The following REEP5 variants were observed in gnomAD, a reference collection of about 807,000 sequenced individuals.
The protein encoded by REEP5 is receptor accessory protein 5.
In REEP5, 24 loss-of-function variants were observed where a neutral mutation model predicts 22.4. The observed-to-expected ratio is 1.07, with a 90% CI of 0.78 to 1.51. The LOEUF (loss-of-function observed/expected upper bound fraction) is 1.51. REEP5 is among the 40% of genes most tolerant of loss of function. The probability of loss-of-function intolerance (pLI) is 0.00; values close to 1 mark genes in which losing one functional copy is unlikely to be tolerated. For missense variants in REEP5, 252 were observed against 233.0 expected (o/e 1.08, Z -0.53); for synonymous variants, 103 against 88.6 (o/e 1.16, Z -0.92).
chr5:112,879,726 T>G (rs1307691357), intron 4 of REEP5, among the ~76,000 whole-genome samples: 3 of 152,060 alleles, frequency 2.0e-5, no homozygotes, highest in Non-Finnish European at 4.4e-5. Context: ...TCTGCCCGCC[T>G]TGGCCTCCCA....
chr5:112,913,182 C>G (rs1769144412), intron 2 of REEP5, among the ~76,000 whole-genome samples: 1 of 152,064 alleles, frequency 6.6e-6, no homozygotes, highest in Non-Finnish European at 1.5e-5. Flanking sequence ...GTAATCCCAG[C>G]TACTTGGGAG....
chr5:112,907,590 C>T (rs949949234), intron 2 of REEP5, among the ~76,000 whole-genome samples: 1 of 152,174 alleles, frequency 6.6e-6, no homozygotes, highest in Admixed American at 6.5e-5. Context: ...TAAAATTAAT[C>T]GAGCAGAATT....
chr5:112,888,713 G>A (rs1768340098), intron 3 of REEP5, among the ~76,000 whole-genome samples: 1 of 150,946 alleles, frequency 6.6e-6, no homozygotes, highest in African/African-American at 2.5e-5. Flanking sequence ...TGTTACACAT[G>A]CACAAGAGTT....
chr5:112,890,907 T>A (rs546316436), intron 3 of REEP5, among the ~76,000 whole-genome samples: 1 of 150,622 alleles, frequency 6.6e-6, no homozygotes, highest in Non-Finnish European at 1.5e-5. Context: ...TTTACCCCTA[T>A]AATTTTGTAA....
rs764498669 is a variant in REEP5 at position 112,922,208 on chromosome 5, C to T, written c.-18G>A. ...GCAGACATGGCGGGGACCGTCTCGCCGCTCGGGGCTGTTCCTAGTGCCGGA... is the reference window on the plus strand; with the variant it reads ...GCAGACATGGCGGGGACCGTCTCGCTGCTCGGGGCTGTTCCTAGTGCCGGA... On this transcript the variant is annotated 5_prime_UTR_variant, in exon 1 of 5. Transcript: ENST00000379638. 5 of 1,601,164 alleles carry T rather than the reference C, an allele frequency of 3.1e-6. No individual in the cohort carries two copies. The highest frequency in any genetic ancestry group is 2.7e-5 in the African/African-American group (2 of 73,890).
Position 112,878,724 on chromosome 5 carries a change from A to C in REEP5, c.*62T>G. The C allele has an allele frequency of 6.2e-7, 1 of 1,600,016 alleles. No individual in the cohort carries two copies. Among genetic ancestry groups the C allele is most frequent in the South Asian group, 1.1e-5 (1 of 88,488 alleles). On this transcript the variant is annotated 3_prime_UTR_variant, in exon 5 of 5. Coordinates refer to ENST00000379638, the MANE Select transcript of REEP5 (RefSeq NM_005669.5). ...TAAAATAATTATACCACAGTCCCTA[A>C]TATAACATCAAGCTCCAGTAGGAAG...
At chr5:112,888,416 C>T (rs1768327189) in intron 3 of REEP5, among the ~76,000 whole-genome samples, 1 of 152,186 alleles carries the variant, frequency 6.6e-6, no homozygotes, top group Admixed American at 6.5e-5. Flanking sequence ...AACCCAAGTT[C>T]TCAACAATAT....
intron 2 of REEP5, among the ~76,000 whole-genome samples, chr5:112,910,332 C>G (rs1048017783): frequency 1.3e-5 from 2 of 152,016 alleles, no homozygotes; most frequent in Non-Finnish European, 2.9e-5. Context: ...ACATACCCCT[C>G]TTGTAGGTGA....
chr5:112,897,389 A>C (rs2150042578), intron 3 of REEP5: 1 of 151,980 alleles, frequency 6.6e-6, no homozygotes, highest in South Asian at 2.1e-4. Context: ...ACACACACAC[A>C]CACACAAATG....
chr5:112,887,722 C>G (rs536926138), intron 3 of REEP5, among the ~76,000 whole-genome samples: 125 of 152,228 alleles, frequency 8.2e-4, no homozygotes, highest in African/African-American at 2.8e-3. Context: ...TACAGTTGTT[C>G]TTCATCTTTC....
rs1232455253 is a variant in REEP5, at chr5:112,876,627, T to C, written c.*2159A>G. ...GGTAGGAATTCTGTAACTACATACCTTTGAAACACTATTCACATTCAAATA... is the reference window on the plus strand; with the variant it reads ...GGTAGGAATTCTGTAACTACATACCCTTGAAACACTATTCACATTCAAATA... On this transcript the variant is annotated 3_prime_UTR_variant, in exon 5 of 5. Coordinates refer to ENST00000379638, the MANE Select transcript of REEP5 (RefSeq NM_005669.5). 1 of 152,212 alleles carries C rather than the reference T, an allele frequency of 6.6e-6. No homozygotes were observed. The highest frequency in any genetic ancestry group is 2.4e-5 in the African/African-American group (1 of 41,462). The allele number at this position is 152,212 out of a possible 1,614,324, so 9.4% of individuals were successfully genotyped here. A position where few individuals can be genotyped will look rare whatever the true frequency, so the allele number is the denominator to read the frequency against.
intron 3 of REEP5, among the ~76,000 whole-genome samples, chr5:112,900,156 C>T (rs1250959260): frequency 1.3e-5 from 2 of 152,112 alleles, no homozygotes; most frequent in Non-Finnish European, 2.9e-5. Flanking sequence ...TTTTCTCTTC[C>T]GTGAAATACT....
chr5:112,909,322 C>T (rs1159585805), intron 2 of REEP5, among the ~76,000 whole-genome samples: 1 of 150,622 alleles, frequency 6.6e-6, no homozygotes, highest in Non-Finnish European at 1.5e-5. Context: ...AGTAAATACT[C>T]CCTTAACAGG....
intron 2 of REEP5, among the ~76,000 whole-genome samples, chr5:112,913,701 A>AAG (rs138613667): frequency 6.6e-6 from 1 of 152,144 alleles, no homozygotes; most frequent in Non-Finnish European, 1.5e-5. Context: ...TGCAAAATGG[A>AAG]AGAGTCAGTC....
At chr5:112,881,090 C>T (rs373810608) in intron 4 of REEP5, among the ~76,000 whole-genome samples, 2 of 133,714 alleles carry the variant, frequency 1.5e-5, no homozygotes, top group Non-Finnish European at 1.5e-5. Flanking sequence ...GATCATGCTA[C>T]TGCACTCCAG....
Position 112,922,217 on chromosome 5 carries a change from C to G in REEP5, c.-27G>C, listed in dbSNP as rs750836967. 6.3e-7 allele frequency: 1 copy of G among 1,595,062 alleles called. No homozygotes were observed. Among genetic ancestry groups the G allele is most frequent in the Non-Finnish European group, 8.5e-7 (1 of 1,171,214 alleles). On this transcript the variant is annotated 5_prime_UTR_variant, in exon 1 of 5. Coordinates refer to ENST00000379638, the MANE Select transcript of REEP5 (RefSeq NM_005669.5). ...GCGGGGACCGTCTCGCCGCTCGGGG[C>G]TGTTCCTAGTGCCGGATAGACTGGA...
intron 3 of REEP5, among the ~76,000 whole-genome samples, chr5:112,889,718 C>G (rs1366563859): frequency 6.6e-6 from 1 of 150,424 alleles, no homozygotes; most frequent in East Asian, 2.0e-4. Context: ...GCCAGGCTTA[C>G]ACCTGTAATC....
chr5:112,912,970 T>C (rs1769139085), intron 2 of REEP5, among the ~76,000 whole-genome samples: 1 of 152,174 alleles, frequency 6.6e-6, no homozygotes, highest in African/African-American at 2.4e-5. Context: ...TATGTGCTTT[T>C]AAAGCAAGAG....
intron 2 of REEP5, among the ~76,000 whole-genome samples, chr5:112,906,797 GGA>G (rs1176635077): frequency 6.6e-6 from 1 of 152,136 alleles, no homozygotes; most frequent in Non-Finnish European, 1.5e-5. Flanking sequence ...AACTGTGTTT[GGA>G]AACCACCTCA....
Sources: allele counts gnomAD v4.1 joint callset (sites outside exome capture counted in the v4.1 genomes callset), GRCh38; gene constraint gnomAD v4.1.1; transcripts MANE v1.5; gene names NCBI Gene and HGNC (gene_info 2026-07-23, HGNC 2026-07-21).